The following NFATC3 variants were observed in gnomAD, a reference collection of about 807,000 sequenced individuals.
The protein encoded by NFATC3 is nuclear factor of activated T-cells, cytoplasmic 3.
A neutral mutation model predicts 98.6 loss-of-function variants in NFATC3; 46 were observed. The ratio of observed to expected loss-of-function variants is 0.47; its 90% confidence interval spans 0.37 to 0.60. The LOEUF is 0.60. Among genes scored for constraint, NFATC3 ranks in the 20% least tolerant of loss-of-function variants. NFATC3 has a pLI of 0.00. For synonymous variants in NFATC3, 512 were observed against 472.2 expected (o/e 1.08, Z -1.09); for missense variants, 1,256 against 1,295.5 (o/e 0.97, Z 0.47).
At position 68,191,725 on chromosome 16, in the gene NFATC3, G is replaced by A. The variant is rs919837336; in HGVS notation, c.3056G>A (p.Arg1019Gln). Residue 1019 changes from arginine to glutamine, a missense_variant, in exon 9 of 10, where the codon CGA (arginine) becomes CAA (glutamine). Coordinates refer to ENST00000346183, the MANE Select transcript of NFATC3 (RefSeq NM_173165.3). ...TVSIKPEPED[R>Q]EPNFATIGLQ... ...AGCATTAAACCTGAACCAGAAGATCGAGAGCCTAACTTTGCAACCATTGGT... is the reference window on the plus strand; with the variant it reads ...AGCATTAAACCTGAACCAGAAGATCAAGAGCCTAACTTTGCAACCATTGGT... 14 of 1,613,996 alleles carry A rather than the reference G, an allele frequency of 8.7e-6. No individual in the cohort carries two copies. The highest frequency in any genetic ancestry group is 1.6e-4 in the Middle Eastern group (1 of 6,084).
chr16:68,150,378 A>C (rs1044172102), intron 3 of NFATC3, among the ~76,000 whole-genome samples: 9 of 150,342 alleles, frequency 6.0e-5, no homozygotes, highest in African/African-American at 2.2e-4. Context: ...AGAGTTTAAG[A>C]CCAGCCAGGG....
At chr16:68,114,228 C>G (rs1347725405) in intron 1 of NFATC3, among the ~76,000 whole-genome samples, 1 of 152,178 alleles carries the variant, frequency 6.6e-6, no homozygotes, top group Non-Finnish European at 1.5e-5. Context: ...GGTTGTCGCT[C>G]TACCCTGCTT....
chr16:68,214,270 G>A (rs1023635716), intron 9 of NFATC3: 1 of 1,338,224 alleles, frequency 7.5e-7, no homozygotes, highest in African/African-American at 1.4e-5. Flanking sequence ...CACTGTAGTA[G>A]ATTAAGTTCA....
intron 9 of NFATC3, among the ~76,000 whole-genome samples, chr16:68,213,583 T>C (rs1291527578): frequency 6.6e-6 from 1 of 152,126 alleles, no homozygotes; most frequent in Non-Finnish European, 1.5e-5. Context: ...ATCCTAGCAC[T>C]TTGGGAGGCC....
At chr16:68,174,559 G>T in intron 6 of NFATC3, 45 bp downstream of exon 6, 1 of 1,395,598 alleles carries the variant, frequency 7.2e-7, no homozygotes, top group Non-Finnish European at 9.4e-7. Flanking sequence ...AGGGGCAAAG[G>T]GTAAAATAAA....
At chr16:68,119,458 C>T (rs913238147) in intron 1 of NFATC3, among the ~76,000 whole-genome samples, 3 of 152,102 alleles carry the variant, frequency 2.0e-5, no homozygotes, top group Non-Finnish European at 2.9e-5. Flanking sequence ...CCTTACTTGA[C>T]TAGCCTCTCC....
At chr16:68,134,588 C>A (rs2037291379) in intron 3 of NFATC3, among the ~76,000 whole-genome samples, 1 of 151,976 alleles carries the variant, frequency 6.6e-6, no homozygotes, top group African/African-American at 2.4e-5. Flanking sequence ...ACTAGGATTT[C>A]TGATACATTG....
intron 1 of NFATC3, among the ~76,000 whole-genome samples, chr16:68,096,313 C>G (rs1242793591): frequency 6.6e-6 from 1 of 152,050 alleles, no homozygotes. Context: ...GAAGGCTCAT[C>G]TGAAAGAAAC....
chr16:68,150,119 A>G (rs905567932), intron 3 of NFATC3, among the ~76,000 whole-genome samples: 2 of 152,180 alleles, frequency 1.3e-5, no homozygotes, highest in Non-Finnish European at 2.9e-5. Flanking sequence ...GCAAAACATT[A>G]TTATAAACCT....
chr16:68,130,535 T>G (rs2037062150), intron 3 of NFATC3, among the ~76,000 whole-genome samples: 1 of 152,196 alleles, frequency 6.6e-6, no homozygotes, highest in Admixed American at 6.5e-5. Flanking sequence ...TTGAGTACCT[T>G]GTACATTCTT....
intron 3 of NFATC3, among the ~76,000 whole-genome samples, chr16:68,143,846 C>A (rs1224980822): frequency 6.6e-6 from 1 of 151,918 alleles, no homozygotes; most frequent in African/African-American, 2.4e-5. Context: ...AGCGAGACTC[C>A]ATCTCAAAAA....
At chr16:68,120,564 C>T (rs1056132667) in intron 1 of NFATC3, among the ~76,000 whole-genome samples, 1 of 138,908 alleles carries the variant, frequency 7.2e-6, no homozygotes, top group Admixed American at 7.5e-5. Flanking sequence ...GAGAGAGACT[C>T]TGTCTCAGAA....
chr16:68,193,702 C>T (rs1246234956), intron 9 of NFATC3, among the ~76,000 whole-genome samples: 1 of 152,056 alleles, frequency 6.6e-6, no homozygotes, highest in Non-Finnish European at 1.5e-5. Context: ...TCCACATATG[C>T]AGATTTCACA....
intron 9 of NFATC3, among the ~76,000 whole-genome samples, chr16:68,208,140 A>G (rs982211666): frequency 6.6e-6 from 1 of 151,974 alleles, no homozygotes; most frequent in Non-Finnish European, 1.5e-5. Flanking sequence ...AGTTCAAGCG[A>G]TTCTCCTGCC....
At chr16:68,208,016 C>G (rs927673268) in intron 9 of NFATC3, among the ~76,000 whole-genome samples, 2 of 151,988 alleles carry the variant, frequency 1.3e-5, no homozygotes, top group Non-Finnish European at 1.5e-5. Context: ...ATTTTCTTGT[C>G]TATCCAAATC....
chr16:68,119,871 AT>A (rs1264760903), intron 1 of NFATC3, among the ~76,000 whole-genome samples: 1 of 152,110 alleles, frequency 6.6e-6, no homozygotes, highest in East Asian at 1.9e-4. Context: ...TTGCTAAAAA[AT>A]TTTTTTGTTA....
chr16:68,165,213 A>C (rs2039129491), intron 4 of NFATC3, among the ~76,000 whole-genome samples: 1 of 152,086 alleles, frequency 6.6e-6, no homozygotes. Context: ...GCAGTTGTTC[A>C]GTATCAGTTA....
intron 1 of NFATC3, among the ~76,000 whole-genome samples, chr16:68,116,670 TAGA>T (rs2036293598): frequency 6.6e-6 from 1 of 152,230 alleles, no homozygotes; most frequent in African/African-American, 2.4e-5. Context: ...CATTCTGACG[TAGA>T]AGATGTTTGC....
At chr16:68,214,897 G>A (rs532199812) in intron 9 of NFATC3, among the ~76,000 whole-genome samples, 1 of 152,224 alleles carries the variant, frequency 6.6e-6, no homozygotes, top group African/African-American at 2.4e-5. Context: ...TGCACTTCCG[G>A]TAGTCCTCTG....
Sources: gnomAD v4.1 joint callset for allele counts (sites outside exome capture counted in the v4.1 genomes callset) on GRCh38, gnomAD v4.1.1 for gene constraint, MANE v1.5 for transcripts, NCBI Gene and HGNC (gene_info 2026-07-23, HGNC 2026-07-21) for gene names.